Variants in PPFIBP1 observed in about 807,000 individuals in gnomAD.
PPFIBP1 encodes liprin-beta-1.
Under a neutral mutation model 137.8 loss-of-function variants are expected in PPFIBP1, and 112 were observed. The observed-to-expected ratio is 0.81, with a 90% CI of 0.70 to 0.95. The LOEUF is 0.95. PPFIBP1 is among the 40% of genes least tolerant of loss of function. The pLI is 0.00. For synonymous variants in PPFIBP1, 378 were observed against 417.3 expected (o/e 0.91, Z 1.15); for missense variants, 1,083 against 1,196.6 (o/e 0.91, Z 1.40).
chr12:27,593,017 A>G lies in PPFIBP1; in HGVS notation c.-36+14778A>G, dbSNP rs372261259. On this transcript the variant is annotated intron_variant, in intron 2 of 29. Transcript: ENST00000228425. Reference sequence around the variant, plus strand: ...TAGGGTAGCAGACGCCTATAATCCCAGCTACTCAGGAGGTTGAGGCAGGAG... The same window carrying G: ...TAGGGTAGCAGACGCCTATAATCCCGGCTACTCAGGAGGTTGAGGCAGGAG... Among the ~76,000 whole-genome samples, 7 of 151,338 alleles carry G rather than the reference A, an allele frequency of 4.6e-5. No homozygotes were observed. The South Asian group carries it at 1.5e-3, about 32-fold the overall frequency.
chr12:27,643,042 C>T (rs1248206844), intron 4 of PPFIBP1, among the ~76,000 whole-genome samples: 17 of 151,802 alleles, frequency 1.1e-4, no homozygotes, highest in Admixed American at 1.1e-3. Context: ...TGAGATCAGG[C>T]GGTCGGTTAG....
rs1384742698 is a variant in PPFIBP1 at position 27,676,482 on chromosome 12, G to C, written c.1465G>C (p.Gly489Arg). 6.2e-7 allele frequency: 1 copy of C among 1,603,478 alleles called. No individual in the cohort carries two copies. The highest frequency in any genetic ancestry group is 8.5e-7 in the Non-Finnish European group (1 of 1,173,942). The change falls in exon 18 of 30, where the codon GGG becomes CGG. Residue 489 changes from glycine (G) to arginine (R), a missense_variant. Transcript: ENST00000228425. ...PFGTLPPRPP[G>R]QDTSMDDNPF... ...TGGGACCCTTCCTCCCAGGCCCCCA[G>C]GGCAGGACACCTCCATGGATGACAA...
intron 11 of PPFIBP1, among the ~76,000 whole-genome samples, chr12:27,661,652 C>G (rs975905061): frequency 6.6e-5 from 10 of 152,128 alleles, no homozygotes; most frequent in African/African-American, 2.4e-4. Context: ...CCCTTATCTG[C>G]CTGAATGAAT....
In PPFIBP1 at chr12:27,689,201, A is replaced by C; in HGVS notation, c.2683A>C (p.Lys895Gln). The change falls in exon 27 of 30, where the codon AAG (lysine) becomes CAG (glutamine). Residue 895 changes from lysine (K) to glutamine (Q), a missense_variant and splice_region_variant. Transcript: ENST00000228425. ...ACTTCTAACAGCTACTGCCAAAGTG[A>C]AGGTTGGTTCAGGCTCATACGGTTT... ...YVLLTATAKV[K>Q]PKKLAFSNFG... 2 of 1,562,698 alleles carry C rather than the reference A, an allele frequency of 1.3e-6. No individual in the cohort carries two copies. The highest frequency in any genetic ancestry group is 1.7e-6 in the Non-Finnish European group (2 of 1,161,348).
chr12:27,691,672 A>T, intron 27 of PPFIBP1, 77 bp from the exon 28 acceptor site: 3 of 1,260,446 alleles, frequency 2.4e-6, no homozygotes, highest in Admixed American at 4.4e-5. Flanking sequence ...CGCAAAAAAA[A>T]ATCACATGTT....
At chr12:27,594,722 A>G (rs1270572797) in intron 2 of PPFIBP1, among the ~76,000 whole-genome samples, 2 of 152,256 alleles carry the variant, frequency 1.3e-5, no homozygotes, top group Non-Finnish European at 2.9e-5. Flanking sequence ...GTATGAAGAC[A>G]AAAACAAACA....
rs1207014898 is a variant in PPFIBP1 at position 27,694,867 on chromosome 12, A to T, written c.*1985A>T. ...TAAACTGTATTTGAATATCAGTGGT[A>T]TTATCTTTTAAGTTGTCAGCAAGTT... On this transcript the variant is annotated 3_prime_UTR_variant, in exon 30 of 30. Coordinates refer to ENST00000228425, the MANE Select transcript of PPFIBP1 (RefSeq NM_003622.4). 6.6e-6 allele frequency: 1 copy of T among 152,202 alleles called. No individual in the cohort carries two copies. The highest frequency in any genetic ancestry group is 2.4e-5 in the African/African-American group (1 of 41,454). 9.4% of individuals were successfully genotyped at this position (152,202 alleles called of 1,614,324 possible).
At chr12:27,594,175 T>C (rs1357327420) in intron 2 of PPFIBP1, 14 of 65,842 alleles carry the variant, frequency 2.1e-4, no homozygotes, top group East Asian at 1.9e-3. Context: ...CCCTTTTCTA[T>C]TTTTTTTTTT....
At chr12:27,600,575 G>A (rs2053872052) in intron 2 of PPFIBP1, among the ~76,000 whole-genome samples, 1 of 150,746 alleles carries the variant, frequency 6.6e-6, no homozygotes. Context: ...AAAAAACATA[G>A]ATAAAACTTA....
intron 1 of PPFIBP1, among the ~76,000 whole-genome samples, chr12:27,564,878 G>A (rs924967670): frequency 3.3e-5 from 5 of 152,128 alleles, no homozygotes; most frequent in South Asian, 2.1e-4. Flanking sequence ...CGAGGACCCC[G>A]GTGGTCCCCA....
At position 27,586,194 on chromosome 12, in the gene PPFIBP1, A is replaced by G. The variant is rs183920842; in HGVS notation, c.-36+7955A>G. Reference sequence around the variant, plus strand: ...AAGTTAAGTAACTTCCCCAGGATCCACAGCAAATAAGTGGTGGACTGGGAA... The same window carrying G: ...AAGTTAAGTAACTTCCCCAGGATCCGCAGCAAATAAGTGGTGGACTGGGAA... On this transcript the variant is annotated intron_variant, in intron 2 of 29. Coordinates refer to ENST00000228425, the MANE Select transcript of PPFIBP1 (RefSeq NM_003622.4). Among the ~76,000 whole-genome samples the G allele has an allele frequency of 3.4e-4, 52 of 152,342 alleles. 1 individual carries two copies. The highest frequency in any genetic ancestry group is 3.3e-3 in the East Asian group (17 of 5,190).
chr12:27,675,954 A>G (rs1387016441), intron 17 of PPFIBP1, among the ~76,000 whole-genome samples: 1 of 152,178 alleles, frequency 6.6e-6, no homozygotes, highest in Admixed American at 6.5e-5. Flanking sequence ...AGAAGTTTGA[A>G]CTAATGCCTG....
rs2060342701 is a variant in PPFIBP1, at chr12:27,673,785, G to A, written c.1338G>A (p.Lys446=). Residue 446 remains lysine (K), a synonymous_variant, in exon 16 of 30, where the codon AAG becomes AAA. Transcript: ENST00000228425. The part of the protein sequence containing the change: ...CDKLLTSSLQ[K]SSSLGNLKKE... ...TTTTTAGAACTTCAAGTCTGCAGAA[G>A]TCCAGCAGCCTGGGCAATCTGAAGA... The A allele has an allele frequency of 1.9e-6, 3 of 1,613,452 alleles. No individual in the cohort carries two copies. The highest frequency in any genetic ancestry group is 1.7e-5 in the Admixed American group (1 of 59,982).
chr12:27,582,369 G>A (rs2137000959), intron 2 of PPFIBP1, among the ~76,000 whole-genome samples: 1 of 152,262 alleles, frequency 6.6e-6, no homozygotes, highest in Middle Eastern at 3.4e-3. Context: ...GAAGAGGGGA[G>A]AGGGTCCAAG....
intron 2 of PPFIBP1, among the ~76,000 whole-genome samples, chr12:27,604,872 A>G (rs2054356531): frequency 6.6e-6 from 1 of 152,210 alleles, no homozygotes; most frequent in African/African-American, 2.4e-5. Flanking sequence ...ATCTTGACAG[A>G]AGGCAAGGAG....
chr12:27,647,593 A>G, intron 5 of PPFIBP1, 136 bp from the exon 6 acceptor site: 1 of 561,222 alleles, frequency 1.8e-6, no homozygotes, highest in Non-Finnish European at 3.1e-6. Flanking sequence ...TCTTCTTGGT[A>G]CTTCTCAGAT....
chr12:27,666,731 G>A (rs905388155), intron 12 of PPFIBP1, among the ~76,000 whole-genome samples: 1 of 152,210 alleles, frequency 6.6e-6, no homozygotes, highest in Non-Finnish European at 1.5e-5. Context: ...GAGCACAGCA[G>A]TGATGAAAAC....
chr12:27,686,215 T>G (rs918295068), intron 24 of PPFIBP1, among the ~76,000 whole-genome samples: 3 of 152,232 alleles, frequency 2.0e-5, no homozygotes, highest in Non-Finnish European at 2.9e-5. Flanking sequence ...GGATTTAAAC[T>G]GATTAATATT....
intron 24 of PPFIBP1, among the ~76,000 whole-genome samples, chr12:27,684,798 G>A (rs61345524): frequency 0.073 from 11,120 of 151,858 alleles, 1,348 homozygotes; most frequent in African/African-American, 0.25. Flanking sequence ...TTTATTTTAA[G>A]ATAATTTTAG....
Sources: gnomAD v4.1 joint callset for allele counts (sites outside exome capture counted in the v4.1 genomes callset) on GRCh38, gnomAD v4.1.1 for gene constraint, MANE v1.5 for transcripts, NCBI Gene and HGNC (gene_info 2026-07-23, HGNC 2026-07-21) for gene names.